The following SPIDR variants were observed in gnomAD, a reference collection of about 807,000 sequenced individuals.
SPIDR encodes scaffold protein involved in DNA repair.
Under a neutral mutation model 104.6 loss-of-function variants are expected in SPIDR, and 93 were observed. The observed-to-expected ratio is 0.89, with a 90% CI of 0.75 to 1.06. SPIDR has a LOEUF of 1.06. Among genes scored for constraint, SPIDR ranks in the 50% least tolerant of loss-of-function variants. SPIDR has a pLI of 0.00. For missense variants in SPIDR, 1,154 were observed against 1,111.2 expected, an observed-to-expected ratio of 1.04 and a Z score of -0.55; for synonymous variants, 431 against 416.9, an observed-to-expected ratio of 1.03 and a Z score of -0.41.
At chr8:47,653,736 A>G (rs1166684023) in intron 10 of SPIDR, among the ~76,000 whole-genome samples, 2 of 152,172 alleles carry the variant, frequency 1.3e-5, no homozygotes, top group Non-Finnish European at 2.9e-5. Context: ...CTCTGAGCTA[A>G]GGGCTCTGAC....
intron 10 of SPIDR, among the ~76,000 whole-genome samples, chr8:47,631,002 C>A (rs993677114): frequency 6.6e-6 from 1 of 152,124 alleles, no homozygotes; most frequent in African/African-American, 2.4e-5. Flanking sequence ...ACAACAGCCC[C>A]CAGCACCCTG....
chr8:47,298,110 C>T (rs1448905186), intron 5 of SPIDR, among the ~76,000 whole-genome samples: 1 of 152,202 alleles, frequency 6.6e-6, no homozygotes, highest in Non-Finnish European at 1.5e-5. Flanking sequence ...CACATCCTCT[C>T]CAGTACCTGT....
Position 47,727,194 on chromosome 8 carries a change from G to A in SPIDR, c.2342-6G>A. 6.2e-7 allele frequency: 1 copy of A among 1,613,988 alleles called. No individual in the cohort carries two copies. The highest frequency in any genetic ancestry group is 8.5e-7 in the Non-Finnish European group (1 of 1,179,932). ...CTGAGGTGGGCTTTCCTTCTCTTGG[G>A]CCTAGGCACTGTGGTTGGCGTGGAC... is the stretch of plus-strand genomic sequence containing the variant. On this transcript the variant is annotated splice_region_variant and splice_polypyrimidine_tract_variant and intron_variant, in intron 16 of 19. Coordinates refer to ENST00000297423, the MANE Select transcript of SPIDR (RefSeq NM_001080394.4).
intron 8 of SPIDR, among the ~76,000 whole-genome samples, chr8:47,564,912 C>T (rs1319754728): frequency 6.6e-6 from 1 of 152,064 alleles, no homozygotes; most frequent in Non-Finnish European, 1.5e-5. Flanking sequence ...AAACTGGGCA[C>T]AGATTTATTT....
chr8:47,493,913 T>A (rs2079079455), intron 8 of SPIDR, among the ~76,000 whole-genome samples: 1 of 152,152 alleles, frequency 6.6e-6, no homozygotes, highest in Admixed American at 6.5e-5. Context: ...AAATAGAGCA[T>A]CCCTTTAAAA....
intron 2 of SPIDR, among the ~76,000 whole-genome samples, chr8:47,283,696 A>G (rs1394896425): frequency 6.6e-6 from 1 of 152,262 alleles, no homozygotes; most frequent in Non-Finnish European, 1.5e-5. Flanking sequence ...GGTAACTTAC[A>G]GAGTAATGCT....
chr8:47,466,144 G>A (rs1322705093), intron 8 of SPIDR, among the ~76,000 whole-genome samples: 4 of 152,054 alleles, frequency 2.6e-5, no homozygotes, highest in African/African-American at 4.8e-5. Flanking sequence ...AGATGTTCAG[G>A]ACCTAAACTC....
intron 10 of SPIDR, among the ~76,000 whole-genome samples, chr8:47,639,514 C>T (rs1048392762): frequency 6.6e-6 from 1 of 152,196 alleles, no homozygotes; most frequent in African/African-American, 2.4e-5. Context: ...GTTGATTTAT[C>T]TAGGGAAGAG....
At chr8:47,440,608 T>G (rs2069228102) in intron 8 of SPIDR, 66 bp downstream of exon 8, 5 of 1,495,406 alleles carry the variant, frequency 3.3e-6, no homozygotes, top group Middle Eastern at 2.4e-4. Context: ...AAAGACATTT[T>G]TATCAGTTAC....
chr8:47,673,904 G>T lies in SPIDR; in HGVS notation c.1648G>T (p.Val550Leu), dbSNP rs766287284. ...GTTGGAAGGGAAGTCTTGCAGCCTGGTGGGAATGAAGGTTCTACAGAAAGT... is the reference window on the plus strand; with the variant it reads ...GTTGGAAGGGAAGTCTTGCAGCCTGTTGGGAATGAAGGTTCTACAGAAAGT... ...RQLEGKSCSL[V>L]GMKVLQKVTR... The change falls in exon 11 of 20, where the codon GTG becomes TTG. Residue 550 changes from valine to leucine, a missense_variant. Transcript: ENST00000297423. 5 of 1,613,998 alleles carry T rather than the reference G, an allele frequency of 3.1e-6. No individual in the cohort carries two copies. The highest frequency in any genetic ancestry group is 3.4e-6 in the Non-Finnish European group (4 of 1,180,004).
intron 6 of SPIDR, among the ~76,000 whole-genome samples, chr8:47,400,659 A>C (rs1318839350): frequency 6.8e-6 from 1 of 146,106 alleles, no homozygotes; most frequent in Non-Finnish European, 1.5e-5. Flanking sequence ...GTCTCTTTGG[A>C]CTTCTTTTTC....
chr8:47,440,133 T>C (rs2069123043), intron 7 of SPIDR, among the ~76,000 whole-genome samples, 190 bp from the exon 8 acceptor site: 1 of 152,238 alleles, frequency 6.6e-6, no homozygotes, highest in African/African-American at 2.4e-5. Context: ...TGCAGGCCTA[T>C]TTTGATTAAA....
chr8:47,451,161 A>G (rs555490280), intron 8 of SPIDR, among the ~76,000 whole-genome samples: 22 of 152,364 alleles, frequency 1.4e-4, no homozygotes, highest in Admixed American at 1.4e-3. Context: ...GAACCCATAG[A>G]TAAATAACTA....
chr8:47,294,011 A>G lies in SPIDR; in HGVS notation c.506A>G (p.Lys169Arg), dbSNP rs2040393798. The G allele has an allele frequency of 1.2e-6, 2 of 1,613,434 alleles. No homozygotes were observed. The highest frequency in any genetic ancestry group is 2.7e-5 in the African/African-American group (2 of 74,900). ...ASNQSLTSDE[K>R]LSELPKPSSI... ...AATCAGTCTTTGACAAGTGATGAGA[A>G]GCTGTCGGAGCTTCCCAAGGTAAGA... The change falls in exon 5 of 20, where the codon AAG becomes AGG. Residue 169 changes from lysine (K) to arginine (R), a missense_variant. By Grantham distance (26) the Lys-to-Arg change is conservative. Transcript: ENST00000297423.
intron 7 of SPIDR, among the ~76,000 whole-genome samples, chr8:47,424,767 G>A (rs190094563): frequency 7.2e-5 from 11 of 152,318 alleles, no homozygotes; most frequent in African/African-American, 2.2e-4. Flanking sequence ...GAAAGGTCTT[G>A]CTCTGTTGTG....
intron 5 of SPIDR, among the ~76,000 whole-genome samples, chr8:47,358,232 T>C (rs1168973581): frequency 6.6e-6 from 1 of 151,972 alleles, no homozygotes; most frequent in Non-Finnish European, 1.5e-5. Context: ...ACTACAGACA[T>C]GGCACACCAC....
chr8:47,540,781 A>T (rs2087952078), intron 8 of SPIDR, among the ~76,000 whole-genome samples: 1 of 152,192 alleles, frequency 6.6e-6, no homozygotes, highest in Non-Finnish European at 1.5e-5. Flanking sequence ...GGGACATAGT[A>T]GGTATTCATG....
At chr8:47,310,333 C>CAAA (rs1166703089) in intron 5 of SPIDR, among the ~76,000 whole-genome samples, 2 of 54,858 alleles carry the variant, frequency 3.6e-5, no homozygotes, top group Admixed American at 3.4e-4. Context: ...GACTCCATCT[C>CAAA]AAAAAAAAAA....
At chr8:47,272,396 T>A (rs2154215359) in intron 1 of SPIDR, among the ~76,000 whole-genome samples, 2 of 152,348 alleles carry the variant, frequency 1.3e-5, no homozygotes, top group African/African-American at 4.8e-5. Flanking sequence ...ATAATTTTGT[T>A]TAATGATTTT....
Sources: gnomAD v4.1 joint callset for allele counts (sites outside exome capture counted in the v4.1 genomes callset) on GRCh38, gnomAD v4.1.1 for gene constraint, MANE v1.5 for transcripts, NCBI Gene and HGNC (gene_info 2026-07-23, HGNC 2026-07-21) for gene names.